Variants in PARD3 observed in about 807,000 individuals in gnomAD.
PARD3 encodes par-3 family cell polarity regulator, also known as partitioning defective 3 homolog.
In PARD3, 75 loss-of-function variants were observed where a neutral mutation model predicts 155.4. The observed-to-expected ratio is 0.48, with a 90% CI of 0.40 to 0.58. The LOEUF is 0.58. PARD3 is among the 20% of genes least tolerant of loss of function. PARD3 has a pLI of 0.00. For synonymous variants in PARD3, 576 were observed against 610.5 expected (o/e 0.94, Z 0.83); for missense variants, 1,642 against 1,721.7 (o/e 0.95, Z 0.82).
intron 22 of PARD3, among the ~76,000 whole-genome samples, chr10:34,137,196 C>T (rs1005667900): frequency 4.6e-5 from 7 of 152,172 alleles, no homozygotes; most frequent in African/African-American, 7.2e-5. Context: ...TTGCTGTGCA[C>T]TTGCTTCTAA....
chr10:34,539,277 T>C (rs538153654), intron 2 of PARD3, among the ~76,000 whole-genome samples: 1 of 152,128 alleles, frequency 6.6e-6, no homozygotes, highest in Admixed American at 6.6e-5. Flanking sequence ...ACTCTTAAGT[T>C]TTCAGGAATT....
At chr10:34,227,625 C>T (rs368795263) in intron 22 of PARD3, among the ~76,000 whole-genome samples, 17 of 151,660 alleles carry the variant, frequency 1.1e-4, no homozygotes, top group African/African-American at 2.9e-4. Context: ...GCAACAAGAG[C>T]GAAACTCTGT....
rs192488983 is a variant in PARD3 at position 34,701,980 on chromosome 10, T to C, written c.121-5561A>G. On this transcript the variant is annotated intron_variant, in intron 1 of 24. Coordinates refer to ENST00000374788, the MANE Select transcript of PARD3 (RefSeq NM_001184785.2). ...GAGTTTGAAACCAGCCTGGCCAACATGGTGAAAGCAAGTCTCTACTAAAAA... is the reference window on the plus strand; with the variant it reads ...GAGTTTGAAACCAGCCTGGCCAACACGGTGAAAGCAAGTCTCTACTAAAAA... Among the ~76,000 whole-genome samples, 221 of 152,154 alleles carry C rather than the reference T, an allele frequency of 1.5e-3. 1 individual carries two copies. Among genetic ancestry groups the C allele is most frequent in the African/African-American group, 5.3e-3 (218 of 41,520 alleles).
intron 20 of PARD3, among the ~76,000 whole-genome samples, chr10:34,315,384 T>C (rs1195320499): frequency 6.6e-6 from 1 of 152,162 alleles, no homozygotes; most frequent in Non-Finnish European, 1.5e-5. Context: ...TCTAAGATAT[T>C]AGAAGTATAT....
At chr10:34,188,977 T>A (rs1030658259) in intron 22 of PARD3, among the ~76,000 whole-genome samples, 5 of 152,122 alleles carry the variant, frequency 3.3e-5, no homozygotes, top group African/African-American at 9.7e-5. Flanking sequence ...TATGGACTCC[T>A]AGGGGTCTAC....
intron 1 of PARD3, among the ~76,000 whole-genome samples, chr10:34,737,471 G>A (rs2094936346): frequency 6.6e-6 from 1 of 152,226 alleles, no homozygotes; most frequent in South Asian, 2.1e-4. Flanking sequence ...TACCACAGAG[G>A]TGAAAATCCT....
At chr10:34,706,832 G>T in intron 1 of PARD3, among the ~76,000 whole-genome samples, 1 of 152,096 alleles carries the variant, frequency 6.6e-6, no homozygotes, top group Non-Finnish European at 1.5e-5. Context: ...AAAGGGCCAG[G>T]TGTTGTGGCT....
At chr10:34,114,333 T>TTTTAA (rs1197035116) in intron 24 of PARD3, among the ~76,000 whole-genome samples, 1 of 152,100 alleles carries the variant, frequency 6.6e-6, no homozygotes, top group Non-Finnish European at 1.5e-5. Context: ...AGAAAATTGT[T>TTTTAA]TTTAATTTAA....
intron 22 of PARD3, among the ~76,000 whole-genome samples, chr10:34,254,142 G>GA (rs1954499962): frequency 1.3e-5 from 2 of 152,196 alleles, no homozygotes; most frequent in Admixed American, 6.5e-5. Context: ...AGCACTTTGG[G>GA]AGGCCAAGGC....
At chr10:34,258,333 G>C (rs73270759) in intron 22 of PARD3, among the ~76,000 whole-genome samples, 154 of 152,302 alleles carry the variant, frequency 1.0e-3, no homozygotes, top group African/African-American at 3.4e-3. Flanking sequence ...ACGACAGAAG[G>C]AGAGAAGGAT....
intron 1 of PARD3, among the ~76,000 whole-genome samples, chr10:34,752,821 G>T (rs1161479123): frequency 1.3e-5 from 2 of 152,330 alleles, no homozygotes; most frequent in South Asian, 2.1e-4. Flanking sequence ...TTGATTTGGG[G>T]TTATTATCTC....
chr10:34,811,486 C>A (rs932638338), intron 1 of PARD3, among the ~76,000 whole-genome samples: 3 of 152,150 alleles, frequency 2.0e-5, no homozygotes, highest in African/African-American at 7.2e-5. Context: ...TGCCCTATAT[C>A]AAGGTCAGCC....
chr10:34,221,245 C>T lies in PARD3; in HGVS notation c.3419+48412G>A, dbSNP rs541774734. ...GCCATCCGGTGATGTGCATGTCCAC[C>T]GCTTTCCTTGTAGCCCCATTTGTAT... On this transcript the variant is annotated intron_variant, in intron 22 of 24. Coordinates refer to ENST00000374788, the MANE Select transcript of PARD3 (RefSeq NM_001184785.2). Among the ~76,000 whole-genome samples the T allele has an allele frequency of 2.6e-5, 4 of 152,278 alleles. No individual in the cohort carries two copies. The East Asian group carries it at 5.8e-4, about 22-fold the overall frequency.
intron 22 of PARD3, among the ~76,000 whole-genome samples, chr10:34,175,021 A>G (rs1949971760): frequency 6.6e-6 from 1 of 151,992 alleles, no homozygotes; most frequent in Non-Finnish European, 1.5e-5. Flanking sequence ...GCTTATTTTG[A>G]CACCTGGAGT....
At chr10:34,330,505 A>G (rs1360419113) in intron 19 of PARD3, among the ~76,000 whole-genome samples, 2 of 150,778 alleles carry the variant, frequency 1.3e-5, no homozygotes, top group Non-Finnish European at 3.0e-5. Flanking sequence ...CAAAAAAAGA[A>G]AAAAAAAATG....
chr10:34,301,817 TC>T (rs1198526660), intron 20 of PARD3, among the ~76,000 whole-genome samples: 3 of 59,428 alleles, frequency 5.0e-5, no homozygotes, highest in African/African-American at 6.0e-5. Context: ...CTTTCTCCTT[TC>T]TTTTTTTTTT....
chr10:34,716,995 G>C (rs1009189588), intron 1 of PARD3, among the ~76,000 whole-genome samples: 2 of 151,990 alleles, frequency 1.3e-5, no homozygotes, highest in African/African-American at 4.8e-5. Flanking sequence ...GATATTGTTA[G>C]TGTATTTTAT....
chr10:34,709,961 A>G (rs2094427096), intron 1 of PARD3, among the ~76,000 whole-genome samples: 1 of 151,844 alleles, frequency 6.6e-6, no homozygotes, highest in Non-Finnish European at 1.5e-5. Context: ...CAGCATTCTC[A>G]CACACTGCGC....
At chr10:34,697,177 C>G (rs1270106270) in intron 1 of PARD3, among the ~76,000 whole-genome samples, 1 of 152,184 alleles carries the variant, frequency 6.6e-6, no homozygotes, top group Non-Finnish European at 1.5e-5. Context: ...CCTTAAAACT[C>G]TGCTTTCAAA....
Sources: gnomAD v4.1 joint callset for allele counts (sites outside exome capture counted in the v4.1 genomes callset) on GRCh38, gnomAD v4.1.1 for gene constraint, MANE v1.5 for transcripts, NCBI Gene and HGNC (gene_info 2026-07-23, HGNC 2026-07-21) for gene names.